Variants in POU6F2 observed in about 807,000 individuals in gnomAD.
The protein encoded by POU6F2 is POU class 6 homeobox 2.
POU6F2 carries 31 observed loss-of-function variants against 71.3 expected under a neutral mutation model. The ratio of observed to expected loss-of-function variants is 0.43; its 90% CI spans 0.33 to 0.59. The LOEUF (loss-of-function observed/expected upper bound fraction) is 0.59, where lower values mean the gene tolerates loss of function less well. Among genes scored for constraint, POU6F2 ranks in the 20% least tolerant of loss-of-function variants. POU6F2 has a pLI of 0.04. For missense variants in POU6F2, 783 were observed against 856.8 expected, an observed-to-expected ratio of 0.91 and a Z score of 1.07; for synonymous variants, 347 against 355.7, an observed-to-expected ratio of 0.98 and a Z score of 0.27.
chr7:39,259,306 T>C (rs989083786), intron 4 of POU6F2, among the ~76,000 whole-genome samples: 1 of 152,198 alleles, frequency 6.6e-6, no homozygotes, highest in Admixed American at 6.5e-5. Flanking sequence ...TCAGATGTAA[T>C]CCTGGGTAAG....
At position 39,164,613 on chromosome 7, in the gene POU6F2, A is replaced by T. The variant is rs185371955; in HGVS notation, c.278-39622A>T. ...TGCTGTGGAAGCATTTGCCATCCAGAGCTGCTGGTGGTCCTTAGGGTGTGC... is the reference window on the plus strand; with the variant it reads ...TGCTGTGGAAGCATTTGCCATCCAGTGCTGCTGGTGGTCCTTAGGGTGTGC... On this transcript the variant is annotated intron_variant, in intron 2 of 9. Coordinates refer to ENST00000518318, the MANE Select transcript of POU6F2 (RefSeq NM_001370959.1). Among the ~76,000 whole-genome samples, 269 of 151,812 alleles carry T rather than the reference A, an allele frequency of 1.8e-3. 2 individuals carry two copies. The highest frequency in any genetic ancestry group is 2.5e-3 in the South Asian group (12 of 4,788).
At chr7:39,251,273 G>GA (rs1426405352) in intron 4 of POU6F2, among the ~76,000 whole-genome samples, 3 of 152,158 alleles carry the variant, frequency 2.0e-5, no homozygotes, top group African/African-American at 4.8e-5. Context: ...GCTGTTTGAA[G>GA]AGAGTTTTGA....
chr7:39,101,354 C>A (rs922260847), intron 2 of POU6F2, among the ~76,000 whole-genome samples: 1 of 152,048 alleles, frequency 6.6e-6, no homozygotes, highest in Non-Finnish European at 1.5e-5. Context: ...GGATCATAAG[C>A]GTGAGCCGCC....
In POU6F2 at chr7:39,244,811, G is replaced by A. The variant is rs191856347; in HGVS notation, c.598+37191G>A. On this transcript the variant is annotated intron_variant, in intron 4 of 9. Transcript: ENST00000518318. ...CTCAGAGGATCTAAGCTTACCATCA[G>A]TTCTTCCTTGGCATTAACTTCACAG... 3.3e-5 allele frequency among the ~76,000 whole-genome samples: 5 copies of A among 152,138 alleles called. No individual in the cohort carries two copies. The South Asian group carries it at 1.0e-3, about 32-fold the overall frequency.
chr7:39,036,455 C>T (rs1790066738), intron 1 of POU6F2, among the ~76,000 whole-genome samples: 1 of 151,948 alleles, frequency 6.6e-6, no homozygotes, highest in South Asian at 2.1e-4. Flanking sequence ...TGAATGATGC[C>T]ATTTACATTT....
intron 2 of POU6F2, among the ~76,000 whole-genome samples, chr7:39,103,891 G>A (rs759457676): frequency 6.6e-5 from 10 of 152,160 alleles, no homozygotes; most frequent in Non-Finnish European, 1.2e-4. Context: ...AAACATCATG[G>A]ACAAATATAC....
intron 4 of POU6F2, among the ~76,000 whole-genome samples, chr7:39,219,214 A>T (rs977413213): frequency 1.7e-4 from 26 of 152,194 alleles, no homozygotes; most frequent in Admixed American, 4.6e-4. Flanking sequence ...GAGCCCCCCA[A>T]AAAAGTATGT....
chr7:39,024,670 T>G (rs1407581378), intron 1 of POU6F2, among the ~76,000 whole-genome samples: 2 of 152,172 alleles, frequency 1.3e-5, no homozygotes, highest in African/African-American at 2.4e-5. Flanking sequence ...ATTATTTTGA[T>G]ATACATCCCA....
At chr7:39,148,476 A>C (rs1350447235) in intron 2 of POU6F2, among the ~76,000 whole-genome samples, 1 of 152,176 alleles carries the variant, frequency 6.6e-6, no homozygotes, top group Non-Finnish European at 1.5e-5. Context: ...GATTTTGGAT[A>C]TCCTCCCCAG....
At chr7:39,251,148 A>G (rs1314714246) in intron 4 of POU6F2, among the ~76,000 whole-genome samples, 1 of 152,110 alleles carries the variant, frequency 6.6e-6, no homozygotes, top group African/African-American at 2.4e-5. Flanking sequence ...TTCATCTGGA[A>G]TCTCTCCATT....
intron 4 of POU6F2, among the ~76,000 whole-genome samples, chr7:39,301,253 TC>T (rs1784943495): frequency 2.6e-5 from 4 of 152,314 alleles, no homozygotes; most frequent in Admixed American, 2.0e-4. Context: ...GATGAGATCT[TC>T]CCAGTGCCCT....
chr7:39,258,041 T>C (rs1191552726), intron 4 of POU6F2, among the ~76,000 whole-genome samples: 1 of 152,184 alleles, frequency 6.6e-6, no homozygotes, highest in African/African-American at 2.4e-5. Context: ...TTCCTACAGA[T>C]GCAAGATTAC....
chr7:39,244,376 G>C (rs745949296), intron 4 of POU6F2, among the ~76,000 whole-genome samples: 1 of 152,154 alleles, frequency 6.6e-6, no homozygotes, highest in African/African-American at 2.4e-5. Flanking sequence ...CAAGAGCTGA[G>C]CCTGAGTACC....
rs75652051 is a variant in POU6F2 at position 39,042,502 on chromosome 7, C to T, written c.106-43358C>T. On this transcript the variant is annotated intron_variant, in intron 1 of 9. Coordinates refer to ENST00000518318, the MANE Select transcript of POU6F2 (RefSeq NM_001370959.1). Reference sequence around the variant, plus strand: ...CTCTGTCAGCAGGGTCTCTGAGTGACGAGAGTGAACAGAGCCCTGCTGCCA... The same window carrying T: ...CTCTGTCAGCAGGGTCTCTGAGTGATGAGAGTGAACAGAGCCCTGCTGCCA... Among the ~76,000 whole-genome samples, 120 of 152,036 alleles carry T rather than the reference C, an allele frequency of 7.9e-4. 3 individuals carry two copies. The East Asian group carries it at 0.02, about 25-fold the overall frequency.
intron 4 of POU6F2, among the ~76,000 whole-genome samples, chr7:39,283,678 C>T (rs930190118): frequency 2.6e-5 from 4 of 152,168 alleles, no homozygotes; most frequent in Non-Finnish European, 5.9e-5. Context: ...CTGATGAACA[C>T]TTGGGTTGTT....
At chr7:39,337,206 G>C (rs1221882839) in intron 4 of POU6F2, among the ~76,000 whole-genome samples, 1 of 152,116 alleles carries the variant, frequency 6.6e-6, no homozygotes, top group African/African-American at 2.4e-5. Context: ...TCAAGACACG[G>C]CTTTACCGTA....
chr7:39,273,700 A>G (rs34403589), intron 4 of POU6F2, among the ~76,000 whole-genome samples: 23,275 of 151,752 alleles, frequency 0.15, 1,935 homozygotes, highest in Middle Eastern at 0.25. Flanking sequence ...TTTAAAGAGT[A>G]TCATCGGGGA....
chr7:39,058,334 A>G (rs1790578247), intron 1 of POU6F2, among the ~76,000 whole-genome samples: 1 of 152,134 alleles, frequency 6.6e-6, no homozygotes, highest in Non-Finnish European at 1.5e-5. Context: ...TAGGGATGAG[A>G]TTAGGAAGGA....
At chr7:39,076,395 A>G (rs1159544413) in intron 1 of POU6F2, among the ~76,000 whole-genome samples, 4 of 152,202 alleles carry the variant, frequency 2.6e-5, no homozygotes, top group Admixed American at 2.6e-4. Flanking sequence ...TGTAGGGTCT[A>G]ACACCTAAGT....
Sources: allele counts gnomAD v4.1 joint callset (sites outside exome capture counted in the v4.1 genomes callset), GRCh38; gene constraint gnomAD v4.1.1; transcripts MANE v1.5; gene names NCBI Gene and HGNC (gene_info 2026-07-23, HGNC 2026-07-21).